Variants in WDPCP observed in about 807,000 individuals in gnomAD.
The protein encoded by WDPCP is WD repeat containing planar cell polarity effector, also known as WD repeat-containing and planar cell polarity effector protein fritz homolog.
Under a neutral mutation model 93.1 loss-of-function variants are expected in WDPCP, and 71 were observed. That is an observed-to-expected ratio of 0.76 (90% confidence interval 0.63 to 0.93). The LOEUF is 0.93. Among genes scored for constraint, WDPCP ranks in the 40% least tolerant of loss-of-function variants. The pLI, the probability that WDPCP is intolerant of heterozygous loss-of-function variation, is 0.00. For missense variants in WDPCP, 844 were observed against 887.4 expected, an observed-to-expected ratio of 0.95 and a Z score of 0.62; for synonymous variants, 315 against 315.0, an observed-to-expected ratio of 1.00 and a Z score of 0.00.
chr2:63,454,011 T>C lies in WDPCP; in HGVS notation c.385-14140A>G, dbSNP rs187706315. Among the ~76,000 whole-genome samples the C allele has an allele frequency of 5.0e-3, 755 of 150,180 alleles. 24 individuals are homozygous for C. The highest frequency in any genetic ancestry group is 0.044 in the Admixed American group (669 of 15,094). ...TAGGAGATATACCTAATGTAAATGA[T>C]GAGTTAATGGGTGCAGCACACCAAT... On this transcript the variant is annotated intron_variant, in intron 6 of 17. Transcript: ENST00000272321.
intron 12 of WDPCP, among the ~76,000 whole-genome samples, chr2:63,340,320 T>A (rs1688747569): frequency 6.6e-6 from 1 of 152,156 alleles, no homozygotes; most frequent in Non-Finnish European, 1.5e-5. Flanking sequence ...GGCAAGGAGT[T>A]CCTGTCCAAG....
At chr2:63,451,125 G>A (rs566573101) in intron 6 of WDPCP, among the ~76,000 whole-genome samples, 9 of 151,880 alleles carry the variant, frequency 5.9e-5, no homozygotes, top group Admixed American at 3.9e-4. Context: ...AGATATGAAC[G>A]AGAAATTTAC....
In WDPCP at chr2:63,416,521, A is replaced by G. The variant is rs1230249242; in HGVS notation, c.826-11864T>C. Among the ~76,000 whole-genome samples, 5 of 55,384 alleles carry G rather than the reference A, an allele frequency of 9.0e-5. No homozygotes were observed. The Admixed American group carries it at 9.1e-4, about 10-fold the overall frequency. The allele number at this position is 55,384 out of a possible 152,430, so 36.3% of individuals were successfully genotyped here. On this transcript the variant is annotated intron_variant, in intron 9 of 17. Coordinates refer to ENST00000272321, the MANE Select transcript of WDPCP (RefSeq NM_015910.7). ...GGATATGACATTAGCATTAACACCA[A>G]AAATACTTTTTTTTTTTTTTGAGAC...
chr2:63,279,504 T>C (rs902451808), intron 13 of WDPCP, among the ~76,000 whole-genome samples: 9 of 152,126 alleles, frequency 5.9e-5, no homozygotes, highest in African/African-American at 1.7e-4. Flanking sequence ...GCCAACATAA[T>C]ACTGAATGGG....
chr2:63,800,244 T>C (rs1400830478), intron 2 of WDPCP, among the ~76,000 whole-genome samples: 1 of 152,218 alleles, frequency 6.6e-6, no homozygotes, highest in Non-Finnish European at 1.5e-5. Flanking sequence ...TCAGAACCAC[T>C]GAGAAACTTT....
At chr2:63,179,187 G>A (rs1408184512) in intron 14 of WDPCP, among the ~76,000 whole-genome samples, 3 of 144,124 alleles carry the variant, frequency 2.1e-5, no homozygotes, top group Non-Finnish European at 4.6e-5. Context: ...GTGACAGAGT[G>A]AGACCCTGTC....
chr2:63,787,713 T>C (rs2103992122), intron 2 of WDPCP, among the ~76,000 whole-genome samples: 1 of 152,284 alleles, frequency 6.6e-6, no homozygotes, highest in South Asian at 2.1e-4. Context: ...TACTAAACTA[T>C]GGAACCAAAA....
intron 14 of WDPCP, among the ~76,000 whole-genome samples, chr2:63,182,686 T>C (rs1207514605): frequency 6.6e-6 from 1 of 151,972 alleles, no homozygotes; most frequent in Non-Finnish European, 1.5e-5. Context: ...TCCCTTCTCA[T>C]TGAAGTTTTG....
At chr2:63,769,909 C>T (rs1361888824) in intron 2 of WDPCP, among the ~76,000 whole-genome samples, 1 of 151,790 alleles carries the variant, frequency 6.6e-6, no homozygotes, top group Non-Finnish European at 1.5e-5. Context: ...AGTTCAGAGT[C>T]ACTATTTCCT....
intron 1 of WDPCP, among the ~76,000 whole-genome samples, chr2:63,534,469 C>A (rs1370728228): frequency 1.3e-5 from 2 of 152,138 alleles, no homozygotes; most frequent in East Asian, 3.8e-4. Context: ...CAATAAAATA[C>A]TGGCAAACTG....
chr2:63,562,655 T>C (rs146170155), intron 1 of WDPCP, among the ~76,000 whole-genome samples: 3 of 152,364 alleles, frequency 2.0e-5, no homozygotes, highest in Non-Finnish European at 4.4e-5. Context: ...AATTCCAACA[T>C]TTTTCTACAT....
intron 13 of WDPCP, among the ~76,000 whole-genome samples, chr2:63,312,351 C>G (rs546415871): frequency 1.3e-5 from 2 of 152,068 alleles, no homozygotes; most frequent in African/African-American, 4.8e-5. Flanking sequence ...AGGAAAAGCA[C>G]CTTCCAGAAG....
intron 9 of WDPCP, among the ~76,000 whole-genome samples, chr2:63,404,871 A>T (rs988686234): frequency 3.3e-5 from 5 of 152,286 alleles, no homozygotes; most frequent in Non-Finnish European, 7.4e-5. Flanking sequence ...ATCCTGTCTT[A>T]AAAAAATAAA....
chr2:63,814,334 T>C (rs1219294455), intron 1 of WDPCP, among the ~76,000 whole-genome samples: 1 of 151,540 alleles, frequency 6.6e-6, no homozygotes, highest in Non-Finnish European at 1.5e-5. Flanking sequence ...GAAAAAAAAA[T>C]ATGTCTTTCC....
intron 6 of WDPCP, among the ~76,000 whole-genome samples, chr2:63,483,795 CT>C (rs1700405804): frequency 6.6e-6 from 1 of 151,842 alleles, no homozygotes; most frequent in African/African-American, 2.4e-5. Context: ...AATAATTATT[CT>C]TTTTATCACA....
At chr2:63,635,676 T>G (rs755675965) in intron 3 of WDPCP, among the ~76,000 whole-genome samples, 1 of 152,058 alleles carries the variant, frequency 6.6e-6, no homozygotes, top group African/African-American at 2.4e-5. Flanking sequence ...TAAAAACTCT[T>G]AACAAATTAG....
intron 13 of WDPCP, among the ~76,000 whole-genome samples, chr2:63,289,030 T>G (rs1197879533): frequency 6.6e-6 from 1 of 152,120 alleles, no homozygotes; most frequent in Admixed American, 6.5e-5. Context: ...CTTCCATTAT[T>G]GACGATATAA....
At chr2:63,527,447 G>C (rs1703432241) in intron 1 of WDPCP, among the ~76,000 whole-genome samples, 3 of 140,824 alleles carry the variant, frequency 2.1e-5, no homozygotes, top group African/African-American at 7.9e-5. Flanking sequence ...TCAATTCCCA[G>C]CTATGAGTGA....
At chr2:63,123,684 C>T (rs776768990) in intron 17 of WDPCP, among the ~76,000 whole-genome samples, 1 of 151,916 alleles carries the variant, frequency 6.6e-6, no homozygotes, top group Non-Finnish European at 1.5e-5. Context: ...ATTTATTTTA[C>T]ATTCAAGTTT....
Sources: allele counts gnomAD v4.1 joint callset (sites outside exome capture counted in the v4.1 genomes callset), GRCh38; gene constraint gnomAD v4.1.1; transcripts MANE v1.5; gene names NCBI Gene and HGNC (gene_info 2026-07-23, HGNC 2026-07-21).